RASSF3: variants seen among roughly 807,000 people sequenced by gnomAD.
RASSF3 encodes the protein Ras association domain family member 3.
RASSF3 carries 19 observed loss-of-function variants against 19.9 expected under a neutral mutation model. That is an observed-to-expected ratio of 0.96 (90% CI 0.67 to 1.40). The LOEUF is 1.40. Among genes scored for constraint, RASSF3 ranks in the 40% most tolerant of loss-of-function variants. The pLI, the probability that RASSF3 is intolerant of heterozygous loss-of-function variation, is 0.00. For missense variants in RASSF3, 306 were observed against 289.8 expected, an observed-to-expected ratio of 1.06 and a Z score of -0.41; for synonymous variants, 110 against 104.2, an observed-to-expected ratio of 1.06 and a Z score of -0.34.
In RASSF3 at chr12:64,691,572, T is replaced by C; in HGVS notation, c.560T>C (p.Ile187Thr). The change falls in exon 4 of 5, where the codon ATT becomes ACT. Residue 187 changes from isoleucine to threonine, a missense_variant. Ile to Thr is a moderately conservative substitution (Grantham distance 89). Coordinates refer to ENST00000542104, the MANE Select transcript of RASSF3 (RefSeq NM_178169.4). ...AGTTTTGTTCTTCGTGAACATGAAA[T>C]TGGAGAGGTAAGTTATTGTTCACTA... ...TLSFVLREHE[I>T]GEWEAFSLPE... The C allele has an allele frequency of 6.2e-7, 1 of 1,601,184 alleles. No homozygotes were observed. The highest frequency in any genetic ancestry group is 1.3e-5 in the African/African-American group (1 of 74,708).
intron 1 of RASSF3, among the ~76,000 whole-genome samples, chr12:64,652,703 A>G (rs1161131298): frequency 5.3e-5 from 8 of 152,158 alleles, no homozygotes; most frequent in African/African-American, 1.9e-4. Flanking sequence ...TTCCTTGAAT[A>G]TATGATGGAA....
At chr12:64,669,100 T>A (rs1486511207) in intron 1 of RASSF3, among the ~76,000 whole-genome samples, 1 of 152,202 alleles carries the variant, frequency 6.6e-6, no homozygotes, top group Non-Finnish European at 1.5e-5. Context: ...AAGTAGGGCG[T>A]TGAACTATGT....
intron 2 of RASSF3, among the ~76,000 whole-genome samples, chr12:64,567,906 T>C (rs1314112370): frequency 6.6e-6 from 1 of 152,256 alleles, no homozygotes; most frequent in Non-Finnish European, 1.5e-5. Flanking sequence ...CTACTGCTGT[T>C]GCTCTAACTC....
chr12:64,613,276 G>A (rs990308618), intron 1 of RASSF3, among the ~76,000 whole-genome samples: 4 of 151,790 alleles, frequency 2.6e-5, no homozygotes, highest in African/African-American at 4.8e-5. Context: ...CATCATAGTA[G>A]TGAAATTTAT....
At chr12:64,687,394 A>G (rs1002629377) in intron 2 of RASSF3, among the ~76,000 whole-genome samples, 3 of 152,094 alleles carry the variant, frequency 2.0e-5, no homozygotes, top group African/African-American at 7.2e-5. Flanking sequence ...TTCTACCATC[A>G]GTGAAGGTAG....
At position 64,692,379 on chromosome 12, in the gene RASSF3, T is replaced by C. The variant is rs1172281231; in HGVS notation, c.567+800T>C. Reference sequence around the variant, plus strand: ...ACCTTGGATAAGTCTTCTAATCTTTTAGCCCTCAGTTTTAAAATCTGTTAA... The same window carrying C: ...ACCTTGGATAAGTCTTCTAATCTTTCAGCCCTCAGTTTTAAAATCTGTTAA... On this transcript the variant is annotated intron_variant, in intron 4 of 4. Transcript: ENST00000542104. Among the ~76,000 whole-genome samples the C allele has an allele frequency of 3.3e-5, 5 of 152,268 alleles. No individual in the cohort carries two copies. The East Asian group carries it at 9.6e-4, about 29-fold the overall frequency.
At chr12:64,549,269 T>TG (rs937405296) in intron 2 of RASSF3, among the ~76,000 whole-genome samples, 1 of 152,234 alleles carries the variant, frequency 6.6e-6, no homozygotes, top group South Asian at 2.1e-4. Flanking sequence ...CCCAACACTT[T>TG]GGGGGGATCA....
At chr12:64,657,087 A>G (rs1398235068) in intron 1 of RASSF3, among the ~76,000 whole-genome samples, 1 of 149,176 alleles carries the variant, frequency 6.7e-6, no homozygotes, top group African/African-American at 2.5e-5. Flanking sequence ...TTGGCTCACT[A>G]CAGCCTCCAT....
chr12:64,679,998 C>T (rs1448397449), intron 1 of RASSF3, among the ~76,000 whole-genome samples: 9 of 152,184 alleles, frequency 5.9e-5, no homozygotes, highest in Non-Finnish European at 8.8e-5. Context: ...ATCTATTCCA[C>T]GTCCGCTGCA....
At chr12:64,530,371 G>C (rs1322379136), upstream of RASSF3, among the ~76,000 whole-genome samples, 1 of 150,764 alleles carries the variant, frequency 6.6e-6, no homozygotes, top group East Asian at 2.0e-4. Context: ...TTGAACTCCT[G>C]GGCTCAAGCA....
At chr12:64,571,899 T>C (rs1457022758) in intron 2 of RASSF3, among the ~76,000 whole-genome samples, 1 of 152,186 alleles carries the variant, frequency 6.6e-6, no homozygotes, top group Non-Finnish European at 1.5e-5. Flanking sequence ...AGCAGTGATT[T>C]TGGGATTCTG....
chr12:64,520,392 AC>A (rs1277656766), intron 1 of RASSF3, among the ~76,000 whole-genome samples: 13 of 151,142 alleles, frequency 8.6e-5, no homozygotes, highest in African/African-American at 2.9e-4. Flanking sequence ...CAAACTCCTG[AC>A]CTCATGATCC....
In RASSF3 at chr12:64,645,133, A is replaced by G. The variant is rs73321729; in HGVS notation, c.111+34390A>G. ...TCTGAATTTTTTCAACAAATATTGAACACCTGCCAGGTTGTGAATTTTTGT... is the reference window on the plus strand; with the variant it reads ...TCTGAATTTTTTCAACAAATATTGAGCACCTGCCAGGTTGTGAATTTTTGT... On this transcript the variant is annotated intron_variant, in intron 1 of 4. Transcript: ENST00000542104. 7.0e-3 allele frequency among the ~76,000 whole-genome samples: 1,070 copies of G among 152,314 alleles called. 15 individuals carry two copies. Among genetic ancestry groups the G allele is most frequent in the African/African-American group, 0.025 (1,030 of 41,560 alleles).
chr12:64,546,888 A>G (rs1001970056), intron 2 of RASSF3, among the ~76,000 whole-genome samples: 7 of 152,042 alleles, frequency 4.6e-5, no homozygotes, highest in African/African-American at 1.7e-4. Flanking sequence ...TTAAGCAGAA[A>G]CTCCTAGAAG....
chr12:64,669,089 G>A (rs1185205540), intron 1 of RASSF3, among the ~76,000 whole-genome samples: 1 of 152,164 alleles, frequency 6.6e-6, no homozygotes, highest in Non-Finnish European at 1.5e-5. Flanking sequence ...GATTGATTTT[G>A]AAGTAGGGCG....
intron 3 of RASSF3, among the ~76,000 whole-genome samples, chr12:64,689,220 G>GGTGTGTGTGTGTGTGTGT (rs10688391): frequency 2.7e-5 from 4 of 147,444 alleles, no homozygotes; most frequent in Admixed American, 1.4e-4. Context: ...TTGAAATCGG[G>GGTGTGTGTGTGTGTGTGT]GTGTGTGTGT....
chr12:64,513,737 GC>G (rs1868342821), intron 1 of RASSF3, among the ~76,000 whole-genome samples: 1 of 152,154 alleles, frequency 6.6e-6, no homozygotes, highest in Non-Finnish European at 1.5e-5. Context: ...AGTCCAGTCA[GC>G]CTAAGCCCTC....
chr12:64,658,554 C>T (rs897348957), intron 1 of RASSF3, among the ~76,000 whole-genome samples: 8 of 152,162 alleles, frequency 5.3e-5, no homozygotes, highest in Non-Finnish European at 1.2e-4. Context: ...GTAACCCCAG[C>T]ACTTTGGAAG....
intron 1 of RASSF3, among the ~76,000 whole-genome samples, chr12:64,659,961 TGTGTGTGTG>T (rs1872286541): frequency 7.7e-6 from 1 of 129,336 alleles, no homozygotes; most frequent in Non-Finnish European, 1.8e-5. Context: ...CGTGTGTGTG[TGTGTGTGTG>T]TGTGTGTGTG....
Sources: gnomAD v4.1 joint callset for allele counts (sites outside exome capture counted in the v4.1 genomes callset) on GRCh38, gnomAD v4.1.1 for gene constraint, MANE v1.5 for transcripts, NCBI Gene and HGNC (gene_info 2026-07-23, HGNC 2026-07-21) for gene names.